SMU1: variants seen among roughly 807,000 people sequenced by gnomAD.
SMU1 encodes SMU1 DNA replication regulator and spliceosomal factor.
A neutral mutation model predicts 62.0 loss-of-function variants in SMU1; 2 were observed. That is an observed-to-expected ratio of 0.03 (90% CI 0.01 to 0.10). The LOEUF is 0.10. SMU1 is among the 10% of genes least tolerant of loss of function. SMU1 has a pLI of 1.00. For missense variants in SMU1, 227 were observed against 622.1 expected (o/e 0.36, Z 6.76); for synonymous variants, 188 against 212.4 (o/e 0.89, Z 1.00).
At chr9:33,067,160 T>C (rs1451422275) in intron 4 of SMU1, among the ~76,000 whole-genome samples, 1 of 152,106 alleles carries the variant, frequency 6.6e-6, no homozygotes, top group Non-Finnish European at 1.5e-5. Context: ...AAAATAACTA[T>C]GTAAACATTG....
chr9:33,048,123 G>A lies in SMU1; in HGVS notation c.1426C>T (p.Leu476=). The A allele has an allele frequency of 6.2e-7, 1 of 1,613,884 alleles. No individual in the cohort carries two copies. The highest frequency in any genetic ancestry group is 1.1e-5 in the South Asian group (1 of 91,060). The part of the protein sequence containing the change: ...LYCFSTVTGK[L]ERTLTVHEKD... Reference sequence around the variant, plus strand: ...ATACTCACTGTCAAAGTTCTCTCCAGTTTGCCAGTGACTGTACTGAAACAG... The same window carrying A: ...ATACTCACTGTCAAAGTTCTCTCCAATTTGCCAGTGACTGTACTGAAACAG... Residue 476 remains leucine, a synonymous_variant, in exon 11 of 12, where the codon CTG becomes TTG. Transcript: ENST00000397149.
At chr9:33,073,886 A>G (rs1587714362) in intron 1 of SMU1, 80 bp from the exon 2 acceptor site, 3 of 1,263,910 alleles carry the variant, frequency 2.4e-6, no homozygotes, top group Non-Finnish European at 3.3e-6. Context: ...CTCCTACTCA[A>G]TCATCTTCCT....
intron 8 of SMU1, among the ~76,000 whole-genome samples, chr9:33,056,476 G>A (rs898272554): frequency 6.6e-6 from 1 of 152,138 alleles, no homozygotes; most frequent in African/African-American, 2.4e-5. Context: ...TCTGTTCAGG[G>A]ACAGACCTCT....
intron 9 of SMU1, among the ~76,000 whole-genome samples, chr9:33,055,513 ATT>A (rs1382808745): frequency 1.3e-5 from 2 of 152,302 alleles, no homozygotes; most frequent in Non-Finnish European, 1.5e-5. Context: ...ATAATTTTCT[ATT>A]TGGGTTTCTC....
intron 4 of SMU1, among the ~76,000 whole-genome samples, chr9:33,066,612 C>G (rs2119441826): frequency 1.3e-5 from 2 of 151,726 alleles, no homozygotes; most frequent in South Asian, 4.2e-4. Flanking sequence ...TCGAGACCAT[C>G]CTGGCCAACA....
At chr9:33,074,688 T>C (rs576670376) in intron 1 of SMU1, among the ~76,000 whole-genome samples, 1 of 151,876 alleles carries the variant, frequency 6.6e-6, no homozygotes, top group Admixed American at 6.6e-5. Context: ...GATCAGATAA[T>C]AGAGATAATA....
intron 3 of SMU1, among the ~76,000 whole-genome samples, chr9:33,070,088 G>A (rs560585666): frequency 2.7e-3 from 408 of 152,230 alleles, no homozygotes; most frequent in African/African-American, 9.0e-3. Flanking sequence ...TCACGCCACT[G>A]CACTCCAGCC....
At chr9:33,071,348 T>A (rs1226821609) in intron 3 of SMU1, among the ~76,000 whole-genome samples, 1 of 152,104 alleles carries the variant, frequency 6.6e-6, no homozygotes, top group Non-Finnish European at 1.5e-5. Context: ...AACAAAAGCT[T>A]CTAGGGACTA....
chr9:33,050,478 A>AT (rs1237892714), intron 10 of SMU1, among the ~76,000 whole-genome samples: 1 of 151,860 alleles, frequency 6.6e-6, no homozygotes, highest in Non-Finnish European at 1.5e-5. Flanking sequence ...GGAAGCAACC[A>AT]AGATGTCCTT....
chr9:33,062,516 C>T (rs552945406), intron 4 of SMU1, among the ~76,000 whole-genome samples: 1 of 152,304 alleles, frequency 6.6e-6, no homozygotes, highest in East Asian at 1.9e-4. Flanking sequence ...ATTTTATATA[C>T]TACCTTCCAA....
rs1839143994 is a variant in SMU1, at chr9:33,043,146, A to C, written c.*4147T>G. The C allele has an allele frequency of 6.6e-6, 1 of 152,214 alleles. No individual in the cohort carries two copies. Among genetic ancestry groups the C allele is most frequent in the Non-Finnish European group, 1.5e-5 (1 of 68,066 alleles). The allele number at this position is 152,214 out of a possible 1,614,324, so 9.4% of individuals were successfully genotyped here. A position where few individuals can be genotyped will look rare whatever the true frequency, so the allele number is the denominator to read the frequency against. On this transcript the variant is annotated 3_prime_UTR_variant, in exon 12 of 12. Coordinates refer to ENST00000397149, the MANE Select transcript of SMU1 (RefSeq NM_018225.3). ...CCGTGCCCGGCCTATTGTAAGTTTT[A>C]AACAACCTCAGACCAGGGAACTTCC...
intron 6 of SMU1, 24 bp downstream of exon 6, chr9:33,060,441 G>T (rs375362784): frequency 5.0e-6 from 8 of 1,585,454 alleles, no homozygotes; most frequent in African/African-American, 4.1e-5. Flanking sequence ...CACTAGGAAG[G>T]TTAACACATT....
intron 4 of SMU1, 31 bp downstream of exon 4, chr9:33,068,793 C>A: frequency 1.2e-6 from 2 of 1,609,314 alleles, no homozygotes; most frequent in Non-Finnish European, 1.7e-6. Flanking sequence ...GTGTGAGCCA[C>A]CACACCTGGC....
In SMU1 at chr9:33,046,412, AC is replaced by A. The variant is rs1212103541; in HGVS notation, c.*880del. ...AACCTATGCATCACCTGGCCTTTTT[AC>A]ATGTTAGTCTATCCTACTATCCCAG... On this transcript the variant is annotated 3_prime_UTR_variant, in exon 12 of 12. Transcript: ENST00000397149. The A allele has an allele frequency of 6.6e-6, 1 of 152,124 alleles. No homozygotes were observed. Among genetic ancestry groups the A allele is most frequent in the African/African-American group, 2.4e-5 (1 of 41,408 alleles). 9.4% of individuals were successfully genotyped at this position (152,124 alleles called of 1,614,324 possible).
In SMU1 at chr9:33,073,741, T is replaced by A; in HGVS notation, c.92A>T (p.Gln31Leu). 4.3e-6 allele frequency: 7 copies of A among 1,614,196 alleles called. No individual in the cohort carries two copies. The highest frequency in any genetic ancestry group is 5.9e-6 in the Non-Finnish European group (7 of 1,180,008). Residue 31 changes from glutamine to leucine, a missense_variant, in exon 2 of 12, where the codon CAG (glutamine) becomes CTG (leucine). Around this residue, in one of 5 missense-constraint regions of SMU1, gnomAD observed 99 missense variants for 270.3 expected, o/e 0.37. Transcript: ENST00000397149. ...NSLHRALATL[Q>L]EETTVSLNTV... Reference sequence around the variant, plus strand: ...ATTCAGAGACACAGTAGTCTCCTCCTGCAAGGTGGCTAACGCCCGATGTAA... The same window carrying A: ...ATTCAGAGACACAGTAGTCTCCTCCAGCAAGGTGGCTAACGCCCGATGTAA...
At chr9:33,056,383 T>A in intron 8 of SMU1, 144 bp from the exon 9 acceptor site, 1 of 776,738 alleles carries the variant, frequency 1.3e-6, no homozygotes, top group Non-Finnish European at 1.9e-6. Context: ...GTATACGGTG[T>A]AATTTTCACT....
At chr9:33,059,380 T>C (rs190135428) in intron 6 of SMU1, among the ~76,000 whole-genome samples, 68 of 122,330 alleles carry the variant, frequency 5.6e-4, no homozygotes, top group Admixed American at 5.3e-3. Context: ...AGCAAAACAC[T>C]ACTTGAGTAA....
intron 5 of SMU1, among the ~76,000 whole-genome samples, chr9:33,061,799 G>GAA (rs1181556004): frequency 6.6e-6 from 1 of 152,240 alleles, no homozygotes; most frequent in Non-Finnish European, 1.5e-5. Context: ...TTCTTGGGAA[G>GAA]AAGTGCAAGG....
chr9:33,054,689 T>C (rs1022200655), intron 9 of SMU1, among the ~76,000 whole-genome samples: 6 of 152,200 alleles, frequency 3.9e-5, no homozygotes, highest in Non-Finnish European at 8.8e-5. Context: ...AGGCATGGAC[T>C]CTGCTGTGTT....
Sources: gnomAD v4.1 joint callset for allele counts (sites outside exome capture counted in the v4.1 genomes callset) on GRCh38, gnomAD v4.1.1 for gene constraint, gnomAD v4.1.1 regional missense constraint, MANE v1.5 for transcripts, NCBI Gene and HGNC (gene_info 2026-07-23, HGNC 2026-07-21) for gene names.